Variants in WNK1 observed in about 807,000 individuals in gnomAD.
The protein encoded by WNK1 is WNK lysine deficient protein kinase 1, also known as serine/threonine-protein kinase WNK1.
Under a neutral mutation model 222.8 loss-of-function variants are expected in WNK1, and 38 were observed. The ratio of observed to expected loss-of-function variants is 0.17; its 90% CI spans 0.13 to 0.22. The LOEUF is 0.22. WNK1 is among the 10% of genes least tolerant of loss of function. WNK1 has a pLI of 1.00. For synonymous variants in WNK1, 1,090 were observed against 1,092.9 expected (o/e 1.00, Z 0.05); for missense variants, 2,348 against 2,918.4 (o/e 0.80, Z 4.50).
intron 9 of WNK1, among the ~76,000 whole-genome samples, chr12:874,361 C>T (rs1008678201): frequency 2.2e-5 from 3 of 134,904 alleles, no homozygotes; most frequent in Non-Finnish European, 3.4e-5. Context: ...AGAGGTGACA[C>T]TTCTCCCCAG....
chr12:857,672 C>T (rs1208177582), intron 5 of WNK1, among the ~76,000 whole-genome samples: 1 of 152,184 alleles, frequency 6.6e-6, no homozygotes, highest in Non-Finnish European at 1.5e-5. Context: ...CGTCCTTACG[C>T]CAGAATTGAA....
intron 6 of WNK1, 127 bp from the exon 7 acceptor site, chr12:860,886 G>T: frequency 1.1e-6 from 1 of 894,632 alleles, no homozygotes; most frequent in Admixed American, 2.1e-5. Flanking sequence ...AGTCCTGAGA[G>T]AATTCTTTCT....
At chr12:906,913 T>A in intron 26 of WNK1, 1 of 228,924 alleles carries the variant, frequency 4.4e-6, no homozygotes, top group Non-Finnish European at 7.2e-6. Flanking sequence ...TGCATACGTC[T>A]AGTCCCAAGC....
At chr12:804,742 T>C (rs944763471) in intron 1 of WNK1, among the ~76,000 whole-genome samples, 3 of 151,938 alleles carry the variant, frequency 2.0e-5, no homozygotes, top group Non-Finnish European at 4.4e-5. Flanking sequence ...CTGGCAACCT[T>C]TTTTCTACTT....
Position 885,229 on chromosome 12 carries a change from A to G in WNK1, c.4425A>G (p.Val1475=), listed in dbSNP as rs1346592731. 1.4e-5 allele frequency: 23 copies of G among 1,614,084 alleles called. No individual in the cohort carries two copies. The highest frequency in any genetic ancestry group is 1.6e-4 in the Middle Eastern group (1 of 6,084). Residue 1475 remains valine, a synonymous_variant, in exon 19 of 28, where the codon GTA becomes GTG. Transcript: ENST00000315939. ...CAGGTCCTAAGCCTCCAGCTGTAGT[A>G]TCTCAGCAGGCAGCAGGCAGCACTA... ...ATPGPKPPAV[V]SQQAAGSTTV...
intron 1 of WNK1, among the ~76,000 whole-genome samples, chr12:761,413 G>A (rs1387849915): frequency 1.4e-5 from 2 of 148,020 alleles, no homozygotes; most frequent in Non-Finnish European, 3.0e-5. Flanking sequence ...AATTTTAACA[G>A]TTTGAATTTA....
At chr12:816,811 G>T (rs1405612327) in intron 2 of WNK1, among the ~76,000 whole-genome samples, 1 of 152,104 alleles carries the variant, frequency 6.6e-6, no homozygotes, top group Non-Finnish European at 1.5e-5. Context: ...ACCAATGAAG[G>T]TGAATAGACA....
At chr12:756,275 G>A (rs1308010326) in intron 1 of WNK1, among the ~76,000 whole-genome samples, 1 of 151,996 alleles carries the variant, frequency 6.6e-6, no homozygotes, top group African/African-American at 2.4e-5. Context: ...CATGTGATGT[G>A]TGTTTTCCTT....
chr12:908,405 T>C, intron 27 of WNK1, 70 bp from the exon 28 acceptor site: 1 of 1,470,058 alleles, frequency 6.8e-7, no homozygotes, highest in Non-Finnish European at 9.5e-7. Context: ...ATACTAGAAG[T>C]ATATGTTAGC....
Position 867,960 on chromosome 12 carries a change from C to T in WNK1, c.2140-3305C>T, listed in dbSNP as rs778247864. The T allele has an allele frequency of 3.1e-6, 5 of 1,613,976 alleles. No individual in the cohort carries two copies. Among genetic ancestry groups the T allele is most frequent in the Middle Eastern group, 1.6e-4 (1 of 6,062 alleles). On this transcript the variant is annotated intron_variant, in intron 8 of 27. Coordinates refer to ENST00000315939, the MANE Select transcript of WNK1 (RefSeq NM_018979.4). ...ATTCATGAACGTCCAGTTTCTTTTT[C>T]ACCACCTCCCACCTGCCCACCGAAA...
chr12:863,847 T>C (rs1467409381), intron 8 of WNK1, among the ~76,000 whole-genome samples: 1 of 152,088 alleles, frequency 6.6e-6, no homozygotes, highest in Non-Finnish European at 1.5e-5. Flanking sequence ...TTTTAGAAAT[T>C]AGAATAAAAG....
At chr12:812,957 T>A (rs147502715) in intron 1 of WNK1, among the ~76,000 whole-genome samples, 149 of 151,912 alleles carry the variant, frequency 9.8e-4, no homozygotes, top group African/African-American at 3.5e-3. Flanking sequence ...AAAAAAAAAA[T>A]TAGGCTTCAT....
intron 1 of WNK1, among the ~76,000 whole-genome samples, chr12:772,677 ATGTT>A (rs1219431225): frequency 1.3e-5 from 2 of 152,200 alleles, no homozygotes; most frequent in Non-Finnish European, 2.9e-5. Flanking sequence ...GAAAATTAGA[ATGTT>A]TGTCCCACAG....
rs768768919 is a variant in WNK1 at position 896,679 on chromosome 12, G to C, written c.6192G>C (p.Glu2064Asp). The C allele has an allele frequency of 2.5e-6, 4 of 1,610,130 alleles. No homozygotes were observed. The highest frequency in any genetic ancestry group is 1.7e-5 in the Admixed American group (1 of 59,156). Residue 2064 changes from glutamate to aspartate, a missense_variant, in exon 24 of 28, where the codon GAG becomes GAC. This residue lies in a region of WNK1 where 1,144 missense variants were observed against 1,273.6 expected (regional missense o/e 0.90). Coordinates refer to ENST00000315939, the MANE Select transcript of WNK1 (RefSeq NM_018979.4). ...FNSSYMSSDN[E>D]SDIEDEDLKL... The stretch of plus-strand genomic sequence containing the variant: ...CCTCTTACATGAGTAGCGACAATGA[G>C]TCAGATATCGAAGATGAAGACTTAA...
chr12:850,244 T>C, intron 4 of WNK1, among the ~76,000 whole-genome samples: 1 of 152,214 alleles, frequency 6.6e-6, no homozygotes, highest in Non-Finnish European at 1.5e-5. Flanking sequence ...TTCCTGACTT[T>C]TTAATGATCG....
rs1565531784 is a variant in WNK1 at position 859,621 on chromosome 12, C to CAT, written c.1620+157_1620+158insAT. Among the ~76,000 whole-genome samples, 7 of 31,872 alleles carry CAT rather than the reference C, an allele frequency of 2.2e-4. No individual in the cohort carries two copies. In the East Asian group the frequency reaches 0.01, roughly 46 times the overall value. The allele number at this position is 31,872 out of a possible 152,430, so 20.9% of individuals were successfully genotyped here. A position where few individuals can be genotyped will look rare whatever the true frequency, so the allele number is the denominator to read the frequency against. On this transcript the variant is annotated intron_variant, in intron 6 of 27. Coordinates refer to ENST00000315939, the MANE Select transcript of WNK1 (RefSeq NM_018979.4). ...AGTTATCTTTGATTAGTGGGATTTT[C>CAT]GTGTGTGTGTGTTTTTTTTTTTTTT... is the stretch of plus-strand genomic sequence containing the variant.
At chr12:875,551 G>A (rs1952530675) in intron 9 of WNK1, among the ~76,000 whole-genome samples, 1 of 152,060 alleles carries the variant, frequency 6.6e-6, no homozygotes, top group Non-Finnish European at 1.5e-5. Context: ...GACTGTATGT[G>A]ATTTTAAACA....
intron 4 of WNK1, among the ~76,000 whole-genome samples, chr12:833,981 TTGTAA>T (rs1181612105): frequency 6.6e-6 from 1 of 152,174 alleles, no homozygotes; most frequent in Non-Finnish European, 1.5e-5. Flanking sequence ...ATGGTGAGTA[TTGTAA>T]TGGAGACAAG....
intron 1 of WNK1, among the ~76,000 whole-genome samples, chr12:805,380 G>A (rs553183080): frequency 2.6e-4 from 39 of 151,618 alleles, no homozygotes; most frequent in African/African-American, 8.9e-4. Flanking sequence ...ATGTTTTAAA[G>A]GAAAAAAGGA....
Sources: allele counts gnomAD v4.1 joint callset (sites outside exome capture counted in the v4.1 genomes callset), GRCh38; gene constraint gnomAD v4.1.1; regional missense constraint gnomAD v4.1.1; transcripts MANE v1.5; gene names NCBI Gene and HGNC (gene_info 2026-07-23, HGNC 2026-07-21).